KCNH6: variants seen among roughly 807,000 people sequenced by gnomAD.
The protein encoded by KCNH6 is voltage-gated inwardly rectifying potassium channel KCNH6.
A neutral mutation model predicts 83.4 loss-of-function variants in KCNH6; 81 were observed. The observed-to-expected ratio is 0.97, with a 90% CI of 0.81 to 1.17. The LOEUF (loss-of-function observed/expected upper bound fraction) is 1.17, where lower values mean the gene tolerates loss of function less well. KCNH6 is among the 50% of genes most tolerant of loss of function. The probability of loss-of-function intolerance (pLI) is 0.00; values close to 1 mark genes in which losing one functional copy is unlikely to be tolerated. For missense variants in KCNH6, 1,203 were observed against 1,290.5 expected (o/e 0.93, Z 1.04); for synonymous variants, 503 against 545.6 (o/e 0.92, Z 1.09).
At chr17:63,527,765 C>T (rs73332021) in intron 2 of KCNH6, among the ~76,000 whole-genome samples, 1,930 of 152,220 alleles carry the variant, frequency 0.013, 40 homozygotes, top group African/African-American at 0.044. Flanking sequence ...TGTGTGGGGG[C>T]TCTGAGCCAC....
intron 6 of KCNH6, 150 bp downstream of exon 6, chr17:63,536,218 C>A: frequency 1.4e-6 from 1 of 721,696 alleles, no homozygotes; most frequent in East Asian, 2.6e-5. Flanking sequence ...TGAATTTTTG[C>A]TGGTGTGTGC....
intron 11 of KCNH6, 82 bp downstream of exon 11, chr17:63,544,493 G>A (rs1452772626): frequency 1.1e-5 from 15 of 1,315,884 alleles, no homozygotes; most frequent in African/African-American, 4.5e-5. Flanking sequence ...GGTGCCAGGT[G>A]GGTTTTAGAA....
In KCNH6 at chr17:63,534,079, G is replaced by A. The variant is rs753764660; in HGVS notation, c.869G>A (p.Arg290His). ...FLLSDQDESR[R>H]GACSYTCSPL... is the part of the protein sequence containing the mutation. ...CTCAGCGATCAGGACGAATCACGGC[G>A]TGGGGCCTGCAGCTATACCTGCAGT... Residue 290 changes from arginine to histidine, a missense_variant, in exon 5 of 13, where the codon CGT becomes CAT. Physicochemically the swap from Arg to His is conservative, Grantham distance 29. Transcript: ENST00000314672. The surrounding 1 kb of genome is among the most constrained non-coding windows in gnomAD (Gnocchi z 5.0). 40 of 1,613,394 alleles carry A rather than the reference G, an allele frequency of 2.5e-5. No homozygotes were observed. Among genetic ancestry groups the A allele is most frequent in the Middle Eastern group, 3.3e-4 (2 of 6,058 alleles).
chr17:63,531,165 C>T (rs949123017), intron 4 of KCNH6, among the ~76,000 whole-genome samples: 33 of 152,346 alleles, frequency 2.2e-4, no homozygotes, highest in Admixed American at 4.6e-4. Context: ...TTCTCTGCTC[C>T]AGCTCACCCT....
At position 63,534,110 on chromosome 17, in the gene KCNH6, C is replaced by A; in HGVS notation, c.900C>A (p.Leu300=). ...CCTGCAGCTATACCTGCAGTCCCCT[C>A]ACTGTGGTGGATCTCATCGTGGACA... is the stretch of plus-strand genomic sequence containing the variant. ...RGACSYTCSP[L]TVVDLIVDIM... The change falls in exon 5 of 13, where the codon CTC becomes CTA. Residue 300 remains leucine, a synonymous_variant. Coordinates refer to ENST00000314672, the MANE Select transcript of KCNH6 (RefSeq NM_001278919.2). This position sits in a 1 kb window ranked among gnomAD's most constrained non-coding sequence, Gnocchi z 5.0. The A allele has an allele frequency of 6.2e-7, 1 of 1,612,904 alleles. No homozygotes were observed. The highest frequency in any genetic ancestry group is 8.5e-7 in the Non-Finnish European group (1 of 1,179,604).
chr17:63,538,586 C>T lies in KCNH6; in HGVS notation c.1878C>T (p.Asp626=), dbSNP rs777442787. 1.9e-6 allele frequency: 3 copies of T among 1,612,944 alleles called. No individual in the cohort carries two copies. Among genetic ancestry groups the T allele is most frequent in the Admixed American group, 1.7e-5 (1 of 59,924 alleles). Residue 626 remains aspartate (D), a synonymous_variant, in exon 8 of 13, where the codon GAC becomes GAT. Coordinates refer to ENST00000314672, the MANE Select transcript of KCNH6 (RefSeq NM_001278919.2). The surrounding 1 kb of genome is among the most constrained non-coding windows in gnomAD (Gnocchi z 4.0). ...PPGDTLVHLG[D]VLSTLYFISR... ...GGGACACGCTGGTGCACCTCGGCGA[C>T]GTGCTCTCCACCCTCTACTTCATCT...
intron 4 of KCNH6, among the ~76,000 whole-genome samples, chr17:63,531,642 G>T (rs1316734268): frequency 1.3e-5 from 2 of 152,246 alleles, no homozygotes; most frequent in African/African-American, 2.4e-5. Context: ...CAGGCTGCAG[G>T]ACTGTGTCCT....
chr17:63,524,090 G>A (rs752049725), intron 1 of KCNH6, 49 bp from the exon 2 acceptor site: 17 of 1,323,526 alleles, frequency 1.3e-5, no homozygotes, highest in Middle Eastern at 1.8e-4. Context: ...CCTCCCAGCC[G>A]CTGGATCCTG....
rs764504352 is a variant in KCNH6, at chr17:63,524,303, C to T, written c.241C>T (p.Arg81Cys). Residue 81 changes from arginine to cysteine, a missense_variant, in exon 2 of 13, where the codon CGC becomes TGC. Physicochemically the swap from Arg to Cys is radical, Grantham distance 180. Coordinates refer to ENST00000314672, the MANE Select transcript of KCNH6 (RefSeq NM_001278919.2). ...CAACACACCAAGCAGCGCCGTGTCCCGCCTAGCGCAGGCCCTGCTGGGGGC... is the reference window on the plus strand; with the variant it reads ...CAACACACCAAGCAGCGCCGTGTCCTGCCTAGCGCAGGCCCTGCTGGGGGC... Reference protein sequence around the residue: ...GPNTPSSAVSRLAQALLGAEE... With the variant: ...GPNTPSSAVSCLAQALLGAEE... 32 of 1,613,858 alleles carry T rather than the reference C, an allele frequency of 2.0e-5. No homozygotes were observed. Among genetic ancestry groups the T allele is most frequent in the Admixed American group, 1.5e-4 (9 of 60,004 alleles).
intron 2 of KCNH6, among the ~76,000 whole-genome samples, chr17:63,526,203 A>G (rs1410037051): frequency 6.6e-6 from 1 of 152,118 alleles, no homozygotes; most frequent in Non-Finnish European, 1.5e-5. Context: ...ATAAGTCCCA[A>G]TCTACTCCCA....
chr17:63,548,087 A>C (rs2147749756), downstream of KCNH6, among the ~76,000 whole-genome samples: 1 of 152,020 alleles, frequency 6.6e-6, no homozygotes, highest in East Asian at 1.9e-4. Context: ...AACAGGGTGA[A>C]ACCCCATCTC....
At chr17:63,542,184 C>A in intron 8 of KCNH6, 57 bp from the exon 9 acceptor site, 1 of 1,580,586 alleles carries the variant, frequency 6.3e-7, no homozygotes, top group South Asian at 1.1e-5. Context: ...TCAAAGGACC[C>A]TCATAAGGGA....
At chr17:63,546,782 C>G (rs1249312399), downstream of KCNH6, 3 of 152,288 alleles carry the variant, frequency 2.0e-5, no homozygotes, top group Non-Finnish European at 4.4e-5. Context: ...CTGTGGCTTT[C>G]TCCAAACCCT....
intron 1 of KCNH6, 31 bp from the exon 2 acceptor site, chr17:63,524,108 T>C (rs769946900): frequency 4.0e-6 from 6 of 1,507,182 alleles, no homozygotes; most frequent in South Asian, 1.1e-5. Flanking sequence ...CTGGCTCCCA[T>C]GGACTTTTTG....
chr17:63,531,983 A>G (rs903294426), intron 4 of KCNH6, among the ~76,000 whole-genome samples: 4 of 152,144 alleles, frequency 2.6e-5, no homozygotes, highest in African/African-American at 4.8e-5. Context: ...CTCAACCAGA[A>G]CTTAAAGAGC....
intron 8 of KCNH6, among the ~76,000 whole-genome samples, chr17:63,539,835 T>G (rs1043773766): frequency 1.3e-5 from 2 of 152,178 alleles, no homozygotes; most frequent in African/African-American, 4.8e-5. Flanking sequence ...CTTCTGCCAG[T>G]GACCTGAAAT....
chr17:63,524,002 C>T lies in KCNH6; in HGVS notation c.77-137C>T, dbSNP rs187538325. On this transcript the variant is annotated intron_variant, in intron 1 of 12. Coordinates refer to ENST00000314672, the MANE Select transcript of KCNH6 (RefSeq NM_001278919.2). The stretch of plus-strand genomic sequence containing the variant: ...CTTCCCACAATCCCCAGGCCTGACT[C>T]CCTCCCTCATTCCGGTCACTGCCCT... 193 of 713,114 alleles carry T rather than the reference C, an allele frequency of 2.7e-4. 2 individuals carry two copies. In the African/African-American group the frequency reaches 2.7e-3, roughly 10 times the overall value. The allele number at this position is 713,114 out of a possible 1,614,324, so 44.2% of individuals were successfully genotyped here. A position where few individuals can be genotyped will look rare whatever the true frequency, so the allele number is the denominator to read the frequency against.
rs1320343259 is a variant in KCNH6, at chr17:63,538,376, C to A, written c.1702-34C>A. ...CCCTCTCCCCCAGCCCCACCCCGGC[C>A]GCGTCCCGCTGGACTTGGCCGCCCG... On this transcript the variant is annotated intron_variant, in intron 7 of 12. Transcript: ENST00000314672. This position sits in a 1 kb window ranked among gnomAD's most constrained non-coding sequence, Gnocchi z 4.0. The A allele has an allele frequency of 6.3e-7, 1 of 1,587,870 alleles. No individual in the cohort carries two copies. Among genetic ancestry groups the A allele is most frequent in the Non-Finnish European group, 8.6e-7 (1 of 1,167,592 alleles).
In KCNH6 at chr17:63,523,625, A is replaced by G; in HGVS notation, c.76+136A>G. 1.4e-6 allele frequency: 1 copy of G among 714,858 alleles called. No individual in the cohort carries two copies. The highest frequency in any genetic ancestry group is 2.2e-6 in the Non-Finnish European group (1 of 449,582). The allele number at this position is 714,858 out of a possible 1,614,324, so 44.3% of individuals were successfully genotyped here. A position where few individuals can be genotyped will look rare whatever the true frequency, so the allele number is the denominator to read the frequency against. On this transcript the variant is annotated intron_variant, in intron 1 of 12. Coordinates refer to ENST00000314672, the MANE Select transcript of KCNH6 (RefSeq NM_001278919.2). This position sits in a 1 kb window ranked among gnomAD's most constrained non-coding sequence, Gnocchi z 4.2. Reference sequence around the variant, plus strand: ...TGCTGAATGAAAAATCCTTCTTTTGATGTCCCCAACACCTTCTCCTCCAGG... The same window carrying G: ...TGCTGAATGAAAAATCCTTCTTTTGGTGTCCCCAACACCTTCTCCTCCAGG...
Sources: allele counts gnomAD v4.1 joint callset (sites outside exome capture counted in the v4.1 genomes callset), GRCh38; gene constraint gnomAD v4.1.1; non-coding constraint Gnocchi (gnomAD v3.1); transcripts MANE v1.5; gene names NCBI Gene and HGNC (gene_info 2026-07-23, HGNC 2026-07-21).